The following STIM1 variants were observed in gnomAD, a reference collection of about 807,000 sequenced individuals.
The protein encoded by STIM1 is stromal interaction molecule 1.
A neutral mutation model predicts 74.7 loss-of-function variants in STIM1; 25 were observed. The ratio of observed to expected loss-of-function variants is 0.33; its 90% confidence interval spans 0.24 to 0.47. The LOEUF (loss-of-function observed/expected upper bound fraction) is 0.47. STIM1 is among the 20% of genes least tolerant of loss of function. The pLI is 1.00. For missense variants in STIM1, 728 were observed against 920.8 expected, an observed-to-expected ratio of 0.79 and a Z score of 2.71; for synonymous variants, 328 against 348.8, an observed-to-expected ratio of 0.94 and a Z score of 0.66.
intron 1 of STIM1, among the ~76,000 whole-genome samples, chr11:3,881,667 G>A (rs1009950897): frequency 1.5e-4 from 22 of 149,316 alleles, no homozygotes; most frequent in Admixed American, 1.4e-3. Flanking sequence ...CACCGTGCCC[G>A]GCCGATTATT....
intron 2 of STIM1, among the ~76,000 whole-genome samples, chr11:4,000,038 G>A (rs560388507): frequency 4.6e-5 from 7 of 152,070 alleles, no homozygotes; most frequent in East Asian, 3.9e-4. Context: ...GGGGAGGGGC[G>A]CCCGCCATTG....
chr11:4,032,184 T>C (rs562183955), intron 3 of STIM1, among the ~76,000 whole-genome samples: 1 of 152,318 alleles, frequency 6.6e-6, no homozygotes, highest in African/African-American at 2.4e-5. Flanking sequence ...AAATCAGTTG[T>C]TTAAGCTGAG....
intron 1 of STIM1, among the ~76,000 whole-genome samples, chr11:3,931,968 T>C (rs943252351): frequency 6.6e-6 from 1 of 152,166 alleles, no homozygotes; most frequent in African/African-American, 2.4e-5. Context: ...AGGAGGGTGT[T>C]AAGTGAAAAT....
At chr11:4,004,522 T>A (rs1268626705) in intron 2 of STIM1, among the ~76,000 whole-genome samples, 88 of 151,152 alleles carry the variant, frequency 5.8e-4, no homozygotes, top group African/African-American at 2.0e-3. Context: ...CTGGGAAAAC[T>A]GGCTAGCCAT....
intron 1 of STIM1, among the ~76,000 whole-genome samples, chr11:3,927,514 T>C (rs1390615711): frequency 6.6e-6 from 1 of 152,260 alleles, no homozygotes; most frequent in Admixed American, 6.5e-5. Context: ...TGCCAGCTAC[T>C]TACTTGTAAC....
At chr11:4,086,911 T>A in intron 12 of STIM1, 1 of 1,499,326 alleles carries the variant, frequency 6.7e-7, no homozygotes, top group South Asian at 1.3e-5. Context: ...TTTCTGCTGC[T>A]TTTACCTTGG....
chr11:4,059,392 T>C lies in STIM1; in HGVS notation c.609T>C (p.Pro203=). The C allele has an allele frequency of 6.2e-7, 1 of 1,613,632 alleles. No individual in the cohort carries two copies. Residue 203 remains proline (P), a synonymous_variant, in exon 5 of 13, where the codon CCT becomes CCC. Transcript: ENST00000526596. ...KALDTVLFGP[P]LLTRHNHLKD... Reference sequence around the variant, plus strand: ...TGGATACAGTGCTCTTTGGGCCTCCTCTCTGTGAGTCTTGTGTTGAGAAGG... The same window carrying C: ...TGGATACAGTGCTCTTTGGGCCTCCCCTCTGTGAGTCTTGTGTTGAGAAGG...
intron 1 of STIM1, among the ~76,000 whole-genome samples, chr11:3,871,679 A>G (rs1344833659): frequency 6.6e-6 from 1 of 151,934 alleles, no homozygotes; most frequent in African/African-American, 2.4e-5. Flanking sequence ...CCCTCTTCCT[A>G]GGTTGGTTCT....
chr11:3,944,846 T>C (rs2093053054), intron 1 of STIM1, among the ~76,000 whole-genome samples: 2 of 152,176 alleles, frequency 1.3e-5, no homozygotes, highest in Admixed American at 1.3e-4. Context: ...TTGCTAGGGT[T>C]TTCCTATCTC....
chr11:3,887,600 G>A (rs898138965), intron 1 of STIM1, among the ~76,000 whole-genome samples: 22 of 152,176 alleles, frequency 1.4e-4, no homozygotes, highest in Admixed American at 9.2e-4. Context: ...AAGATGAAGC[G>A]GAGGTACAGA....
chr11:4,016,102 G>A (rs1371774841), intron 2 of STIM1, among the ~76,000 whole-genome samples: 1 of 152,190 alleles, frequency 6.6e-6, no homozygotes, highest in Middle Eastern at 3.2e-3. Flanking sequence ...GAGGAGTTGT[G>A]TTCCTTTGGA....
intron 1 of STIM1, among the ~76,000 whole-genome samples, chr11:3,938,326 A>T (rs1165198449): frequency 6.6e-6 from 1 of 151,742 alleles, no homozygotes; most frequent in Non-Finnish European, 1.5e-5. Context: ...GACCCTATGC[A>T]TATTTGTTTT....
At chr11:4,088,922 T>C in intron 12 of STIM1, 1 of 588,468 alleles carries the variant, frequency 1.7e-6, no homozygotes, top group Non-Finnish European at 3.1e-6. Context: ...TTTTAGCTGA[T>C]GAGAGAGGCA....
intron 1 of STIM1, among the ~76,000 whole-genome samples, chr11:3,877,579 C>G (rs2091347749): frequency 6.6e-6 from 1 of 152,142 alleles, no homozygotes; most frequent in Admixed American, 6.5e-5. Flanking sequence ...TGTTCCGGAT[C>G]AGTTGTAAAT....
chr11:3,870,367 C>T (rs897466486), intron 1 of STIM1, among the ~76,000 whole-genome samples: 2 of 152,148 alleles, frequency 1.3e-5, no homozygotes. Flanking sequence ...TTTGTAAGAT[C>T]GTAACAAGAT....
chr11:3,855,654 G>T (rs913429254), upstream of STIM1: 1 of 136,820 alleles, frequency 7.3e-6, no homozygotes, highest in Admixed American at 7.1e-5. Context: ...CGCGCCGCCC[G>T]CCCGCCTGGA....
intron 2 of STIM1, among the ~76,000 whole-genome samples, chr11:4,005,644 G>T (rs2135934566): frequency 6.6e-6 from 1 of 152,068 alleles, no homozygotes; most frequent in South Asian, 2.1e-4. Context: ...ACGAGTTAAT[G>T]GGTGCAGCAC....
At chr11:3,953,784 CTTT>C (rs1237093007) in intron 1 of STIM1, among the ~76,000 whole-genome samples, 1 of 133,532 alleles carries the variant, frequency 7.5e-6, no homozygotes, top group African/African-American at 3.1e-5. Flanking sequence ...CTTCTTCTTT[CTTT>C]TTTTTTTTTT....
chr11:3,877,796 A>G (rs575232151), intron 1 of STIM1, among the ~76,000 whole-genome samples: 1 of 152,280 alleles, frequency 6.6e-6, no homozygotes, highest in African/African-American at 2.4e-5. Context: ...AGTAGGATTT[A>G]TCTGTCTCCC....
Sources: gnomAD v4.1 joint callset for allele counts (sites outside exome capture counted in the v4.1 genomes callset) on GRCh38, gnomAD v4.1.1 for gene constraint, MANE v1.5 for transcripts, NCBI Gene and HGNC (gene_info 2026-07-23, HGNC 2026-07-21) for gene names.